The following EFNA5 variants were observed in gnomAD, a reference collection of about 807,000 sequenced individuals.
EFNA5 encodes ephrin A5.
In EFNA5, 5 loss-of-function variants were observed where a neutral mutation model predicts 22.9. The ratio of observed to expected loss-of-function variants is 0.22; its 90% CI spans 0.11 to 0.46. The LOEUF (loss-of-function observed/expected upper bound fraction) is 0.46. EFNA5 is among the 20% of genes least tolerant of loss of function. EFNA5 has a pLI of 0.99. For missense variants in EFNA5, 237 were observed against 293.3 expected, an observed-to-expected ratio of 0.81 and a Z score of 1.40; for synonymous variants, 113 against 112.2, an observed-to-expected ratio of 1.01 and a Z score of -0.04.
At chr5:107,543,960 G>A (rs562623320) in intron 1 of EFNA5, among the ~76,000 whole-genome samples, 67 of 152,272 alleles carry the variant, frequency 4.4e-4, no homozygotes, top group Middle Eastern at 3.4e-3. Context: ...CCCTAACTCC[G>A]TGAGGGGACA....
chr5:107,496,767 C>T (rs983862171), intron 1 of EFNA5, among the ~76,000 whole-genome samples: 2 of 152,156 alleles, frequency 1.3e-5, no homozygotes, highest in African/African-American at 4.8e-5. Flanking sequence ...GGAGAAGAAA[C>T]GTGGGTCAGC....
chr5:107,490,500 A>G (rs1022286370), intron 1 of EFNA5, among the ~76,000 whole-genome samples: 6 of 152,222 alleles, frequency 3.9e-5, no homozygotes, highest in Non-Finnish European at 1.5e-5. Flanking sequence ...GAATCCTTTC[A>G]AAAGAAATCA....
At chr5:107,615,765 G>C (rs981882468) in intron 1 of EFNA5, among the ~76,000 whole-genome samples, 1 of 152,116 alleles carries the variant, frequency 6.6e-6, no homozygotes, top group African/African-American at 2.4e-5. Flanking sequence ...CAGTCAGTTG[G>C]AGATATAATC....
At chr5:107,604,882 G>A (rs559420853) in intron 1 of EFNA5, among the ~76,000 whole-genome samples, 10 of 152,228 alleles carry the variant, frequency 6.6e-5, no homozygotes, top group African/African-American at 2.4e-4. Flanking sequence ...ATTGCGGGAT[G>A]TTTTCATAGG....
intron 2 of EFNA5, among the ~76,000 whole-genome samples, chr5:107,401,794 T>C (rs1326366391): frequency 1.3e-5 from 2 of 152,194 alleles, no homozygotes; most frequent in East Asian, 3.8e-4. Context: ...TGGGTTCAGA[T>C]GCTTTCATTC....
intron 1 of EFNA5, among the ~76,000 whole-genome samples, chr5:107,646,541 T>TA (rs1750636953): frequency 6.6e-6 from 1 of 152,166 alleles, no homozygotes; most frequent in South Asian, 2.1e-4. Flanking sequence ...TGAGGGATAG[T>TA]AAAGGGTAAT....
chr5:107,631,297 T>G (rs934105863), intron 1 of EFNA5, among the ~76,000 whole-genome samples: 3 of 149,598 alleles, frequency 2.0e-5, no homozygotes, highest in Admixed American at 1.3e-4. Flanking sequence ...ACACTCTCTG[T>G]CTCTCTCATA....
chr5:107,403,269 G>T (rs1748131799), intron 2 of EFNA5, among the ~76,000 whole-genome samples: 1 of 152,168 alleles, frequency 6.6e-6, no homozygotes. Flanking sequence ...GAGAAGGTTA[G>T]TCTTTAAAAC....
At chr5:107,412,002 G>T (rs1204268012) in intron 2 of EFNA5, among the ~76,000 whole-genome samples, 2 of 152,016 alleles carry the variant, frequency 1.3e-5, no homozygotes, top group Non-Finnish European at 2.9e-5. Context: ...ATTATTACAG[G>T]GATCATACAT....
rs565522441 is a variant in EFNA5, at chr5:107,450,721, G to C, written c.126-23212C>G. 4.2e-4 allele frequency among the ~76,000 whole-genome samples: 64 copies of C among 152,364 alleles called. 1 individual carries two copies. Among genetic ancestry groups the C allele is most frequent in the Middle Eastern group, 3.4e-3 (1 of 294 alleles). On this transcript the variant is annotated intron_variant, in intron 1 of 4. Transcript: ENST00000333274. ...ACATGAACCAGACTCTGTTTTGTAA[G>C]AGACGCTGGGGGTGTTTAGAATTCT...
intron 1 of EFNA5, among the ~76,000 whole-genome samples, chr5:107,620,910 G>A (rs1439583512): frequency 2.0e-5 from 3 of 152,212 alleles, no homozygotes; most frequent in African/African-American, 7.2e-5. Flanking sequence ...AACCAATAAG[G>A]TGGAGCAGAG....
At chr5:107,662,592 G>C (rs927098929) in intron 1 of EFNA5, among the ~76,000 whole-genome samples, 16 of 151,980 alleles carry the variant, frequency 1.1e-4, no homozygotes, top group African/African-American at 3.9e-4. Context: ...TAACAAATAT[G>C]AATTTACTTG....
intron 1 of EFNA5, among the ~76,000 whole-genome samples, chr5:107,541,847 C>T (rs1748055403): frequency 1.3e-5 from 2 of 152,196 alleles, no homozygotes; most frequent in South Asian, 2.1e-4. Flanking sequence ...GGCCAGCCAC[C>T]ATTTTAATTA....
At chr5:107,521,476 A>ATATATATAT (rs1491248327) in intron 1 of EFNA5, among the ~76,000 whole-genome samples, 4 of 58,358 alleles carry the variant, frequency 6.9e-5, no homozygotes, top group African/African-American at 2.8e-4. Context: ...ATATATATAT[A>ATATATATAT]TTTTTTTTTT....
At chr5:107,481,307 C>T (rs1180894908) in intron 1 of EFNA5, among the ~76,000 whole-genome samples, 3 of 152,116 alleles carry the variant, frequency 2.0e-5, no homozygotes, top group South Asian at 2.1e-4. Context: ...TGAACTTAAC[C>T]GATTTGACAT....
At chr5:107,523,165 G>A (rs1747629609) in intron 1 of EFNA5, among the ~76,000 whole-genome samples, 1 of 152,082 alleles carries the variant, frequency 6.6e-6, no homozygotes, top group African/African-American at 2.4e-5. Context: ...CTTTTAGTGT[G>A]TTCTTACCTT....
intron 2 of EFNA5, among the ~76,000 whole-genome samples, chr5:107,388,840 C>A (rs940126047): frequency 4.6e-5 from 7 of 152,168 alleles, no homozygotes; most frequent in Admixed American, 1.3e-4. Flanking sequence ...GAGGGATCGG[C>A]ATTTGGTGTG....
At chr5:107,514,811 A>C (rs57732546) in intron 1 of EFNA5, among the ~76,000 whole-genome samples, 4,986 of 152,102 alleles carry the variant, frequency 0.033, 232 homozygotes, top group African/African-American at 0.11. Flanking sequence ...TCCTTACTTC[A>C]CTGACTTAAT....
chr5:107,451,683 G>A (rs1008151798), intron 1 of EFNA5, among the ~76,000 whole-genome samples: 1 of 152,148 alleles, frequency 6.6e-6, no homozygotes, highest in Non-Finnish European at 1.5e-5. Flanking sequence ...AATTAAACAA[G>A]CCTGGACCCA....
Sources: gnomAD v4.1 joint callset for allele counts (sites outside exome capture counted in the v4.1 genomes callset) on GRCh38, gnomAD v4.1.1 for gene constraint, MANE v1.5 for transcripts, NCBI Gene and HGNC (gene_info 2026-07-23, HGNC 2026-07-21) for gene names.